SLFN12L: variants seen among roughly 807,000 people sequenced by gnomAD.
SLFN12L encodes schlafen family member 12-like.
In SLFN12L, 34 loss-of-function variants were observed where a neutral mutation model predicts 34.8. The ratio of observed to expected loss-of-function variants is 0.98; its 90% confidence interval spans 0.74 to 1.30. SLFN12L has a LOEUF of 1.30. SLFN12L is among the 50% of genes most tolerant of loss of function. The probability of loss-of-function intolerance (pLI) is 0.00; values close to 1 mark genes in which losing one functional copy is unlikely to be tolerated. For synonymous variants in SLFN12L, 259 were observed against 247.5 expected, an observed-to-expected ratio of 1.05 and a Z score of -0.44; for missense variants, 703 against 696.2, an observed-to-expected ratio of 1.01 and a Z score of -0.11.
In SLFN12L at chr17:35,473,230, A is replaced by G. The variant is rs11658693; in HGVS notation, c.*1693T>C. Among the ~76,000 whole-genome samples, 11,711 of 152,114 alleles carry G rather than the reference A, an allele frequency of 0.077. 525 individuals carry two copies. The highest frequency in any genetic ancestry group is 0.15 in the East Asian group (773 of 5,160). Reference sequence around the variant, plus strand: ...GAGAGGGCATTCTTGTCTTGTGCCAATTTTCAAAGGGAATGCTTCCAGGTT... The same window carrying G: ...GAGAGGGCATTCTTGTCTTGTGCCAGTTTTCAAAGGGAATGCTTCCAGGTT... On this transcript the variant is annotated 3_prime_UTR_variant, in exon 5 of 5. Transcript: ENST00000628453.
intron 2 of SLFN12L, among the ~76,000 whole-genome samples, chr17:35,485,191 C>T (rs972543843): frequency 6.6e-5 from 10 of 151,888 alleles, no homozygotes; most frequent in Non-Finnish European, 1.3e-4. Context: ...TTAATTTTTT[C>T]CTACATATTT....
chr17:35,526,466 C>T (rs1352410014), intron 1 of SLFN12L, among the ~76,000 whole-genome samples: 1 of 152,120 alleles, frequency 6.6e-6, no homozygotes, highest in Non-Finnish European at 1.5e-5. Flanking sequence ...AAGTAAAACA[C>T]TCCTCAGCAA....
intron 2 of SLFN12L, among the ~76,000 whole-genome samples, chr17:35,510,830 C>T (rs1300736016): frequency 8.3e-6 from 1 of 120,506 alleles, no homozygotes; most frequent in Non-Finnish European, 1.7e-5. Context: ...ACTGAATTCA[C>T]AGCAAAAAAA....
intron 2 of SLFN12L, among the ~76,000 whole-genome samples, chr17:35,486,591 A>G (rs1420538740): frequency 2.0e-5 from 3 of 152,184 alleles, no homozygotes; most frequent in East Asian, 3.8e-4. Context: ...CAATGCTAAA[A>G]TTAAATAAAT....
At position 35,473,154 on chromosome 17, in the gene SLFN12L, C is replaced by G. The variant is rs1244809863; in HGVS notation, c.*1769G>C. On this transcript the variant is annotated 3_prime_UTR_variant, in exon 5 of 5. Coordinates refer to ENST00000628453, the MANE Select transcript of SLFN12L (RefSeq NM_001363830.2). Reference sequence around the variant, plus strand: ...CGAATACCTTTATTTCTTTCTCTTGCCTGATTGCCCTGGCCGGAACTTCCA... The same window carrying G: ...CGAATACCTTTATTTCTTTCTCTTGGCTGATTGCCCTGGCCGGAACTTCCA... Among the ~76,000 whole-genome samples, 1 of 152,138 alleles carries G rather than the reference C, an allele frequency of 6.6e-6. No individual in the cohort carries two copies. The highest frequency in any genetic ancestry group is 2.4e-5 in the African/African-American group (1 of 41,418).
intron 2 of SLFN12L, among the ~76,000 whole-genome samples, chr17:35,515,633 ATTTTTTTTTT>A (rs58481344): frequency 6.4e-5 from 5 of 78,086 alleles, no homozygotes; most frequent in African/African-American, 1.2e-4. Context: ...ACGCCCGGCA[ATTTTTTTTTT>A]TTTTTTTTTT....
chr17:35,496,354 AAT>A (rs1915074281), intron 2 of SLFN12L, among the ~76,000 whole-genome samples: 1 of 152,204 alleles, frequency 6.6e-6, no homozygotes, highest in African/African-American at 2.4e-5. Context: ...CTCAAAAAAA[AAT>A]AGATTTCTTA....
chr17:35,526,621 C>T (rs186613312), intron 1 of SLFN12L, among the ~76,000 whole-genome samples: 8 of 152,166 alleles, frequency 5.3e-5, no homozygotes, highest in Non-Finnish European at 1.0e-4. Flanking sequence ...AGGTAAATAA[C>T]GAAATGAAGG....
At chr17:35,530,405 GGAA>G (rs1467464822) in intron 1 of SLFN12L, among the ~76,000 whole-genome samples, 614 of 11,266 alleles carry the variant, frequency 0.055, 73 homozygotes, top group African/African-American at 0.12. Flanking sequence ...AAGGAAGGAA[GGAA>G]GGAAGGAAGG....
At chr17:35,533,207 C>G (rs4796097) in intron 1 of SLFN12L, among the ~76,000 whole-genome samples, 1 of 152,178 alleles carries the variant, frequency 6.6e-6, no homozygotes, top group African/African-American at 2.4e-5. Flanking sequence ...AGATGCTTAA[C>G]ACAATGTTGT....
At chr17:35,487,725 C>T (rs948543499) in intron 2 of SLFN12L, 15 of 1,535,862 alleles carry the variant, frequency 9.8e-6, no homozygotes, top group South Asian at 9.5e-5. Context: ...AGAGAACGAA[C>T]CTGGCGAGGT....
At chr17:35,486,411 G>C (rs8064795) in intron 2 of SLFN12L, among the ~76,000 whole-genome samples, 102,798 of 151,810 alleles carry the variant, frequency 0.68, 34,928 homozygotes, top group Middle Eastern at 0.78. Flanking sequence ...AGGAGGGTAC[G>C]CATACCACTG....
chr17:35,512,172 T>TTTTTAG (rs1915667044), intron 2 of SLFN12L, among the ~76,000 whole-genome samples: 1 of 102,322 alleles, frequency 9.8e-6, no homozygotes. Flanking sequence ...TTTTTTTTTT[T>TTTTTAG]GAGACGGAGT....
At chr17:35,476,560 A>C (rs1227377533) in intron 4 of SLFN12L, among the ~76,000 whole-genome samples, 4 of 152,044 alleles carry the variant, frequency 2.6e-5, no homozygotes, top group Non-Finnish European at 5.9e-5. Context: ...ATCAACTGGG[A>C]GATTAAAGAG....
At position 35,467,786 on chromosome 17, in the gene SLFN12L, C is replaced by A. The variant is rs1913739261; in HGVS notation, c.*7137G>T. On this transcript the variant is annotated 3_prime_UTR_variant, in exon 5 of 5. Coordinates refer to ENST00000628453, the MANE Select transcript of SLFN12L (RefSeq NM_001363830.2). ...GGCAGCTGCTTATCTGATATGGGAC[C>A]CGTTTGAGCCTAAACTTCAACCATG... Among the ~76,000 whole-genome samples the A allele has an allele frequency of 6.6e-6, 1 of 152,126 alleles. No individual in the cohort carries two copies. The highest frequency in any genetic ancestry group is 2.1e-4 in the South Asian group (1 of 4,820).
At chr17:35,486,341 T>C (rs1363362629) in intron 2 of SLFN12L, among the ~76,000 whole-genome samples, 1 of 152,152 alleles carries the variant, frequency 6.6e-6, no homozygotes, top group Non-Finnish European at 1.5e-5. Context: ...ATGAACCCTT[T>C]TGGCTCACCC....
chr17:35,531,348 A>C (rs1467819049), intron 1 of SLFN12L, among the ~76,000 whole-genome samples: 3 of 152,216 alleles, frequency 2.0e-5, no homozygotes, highest in Non-Finnish European at 2.9e-5. Context: ...TCTGAGCAGG[A>C]AATTATGTAG....
At position 35,470,647 on chromosome 17, in the gene SLFN12L, G is replaced by A. The variant is rs1045317702; in HGVS notation, c.*4276C>T. On this transcript the variant is annotated 3_prime_UTR_variant, in exon 5 of 5. Coordinates refer to ENST00000628453, the MANE Select transcript of SLFN12L (RefSeq NM_001363830.2). ...AGGGCTGGAAAGACTCCAAGAGTGT[G>A]AACATGCTCCCACTGTTTTAAGTTC... The A allele has an allele frequency of 6.6e-6, 1 of 150,994 alleles. No homozygotes were observed. The allele number at this position is 150,994 out of a possible 1,614,324, so 9.4% of individuals were successfully genotyped here.
rs1913711573 is a variant in SLFN12L at position 35,465,763 on chromosome 17, T to C, written c.*9160A>G. On this transcript the variant is annotated 3_prime_UTR_variant, in exon 5 of 5. Coordinates refer to ENST00000628453, the MANE Select transcript of SLFN12L (RefSeq NM_001363830.2). ...CGACTAGGGCCTCATAGCCAGTATC[T>C]AGTATGATTAACATTATTAACTCTA... Among the ~76,000 whole-genome samples, 2 of 149,018 alleles carry C rather than the reference T, an allele frequency of 1.3e-5. No homozygotes were observed. Among genetic ancestry groups the C allele is most frequent in the African/African-American group, 2.5e-5 (1 of 40,180 alleles).
Sources: gnomAD v4.1 joint callset for allele counts (sites outside exome capture counted in the v4.1 genomes callset) on GRCh38, gnomAD v4.1.1 for gene constraint, MANE v1.5 for transcripts, NCBI Gene and HGNC (gene_info 2026-07-23, HGNC 2026-07-21) for gene names.